Variants in B3GALT1 observed in about 807,000 individuals in gnomAD.
B3GALT1 encodes the protein UDP-Gal:betaGlcNAc beta 1,3-galactosyltransferase, polypeptide 1.
B3GALT1 carries 10 observed loss-of-function variants against 23.2 expected under a neutral mutation model. The ratio of observed to expected loss-of-function variants is 0.43; its 90% CI spans 0.27 to 0.73. B3GALT1 has a LOEUF of 0.73. Ranked by LOEUF, B3GALT1 falls within the 30% of genes least tolerant of loss-of-function variation. B3GALT1 has a pLI of 0.21. For synonymous variants in B3GALT1, 156 were observed against 141.5 expected, an observed-to-expected ratio of 1.10 and a Z score of -0.73; for missense variants, 299 against 405.4, an observed-to-expected ratio of 0.74 and a Z score of 2.25.
chr2:167,577,663 A>G (rs536140236), intron 2 of B3GALT1, among the ~76,000 whole-genome samples: 2 of 151,964 alleles, frequency 1.3e-5, no homozygotes, highest in South Asian at 4.1e-4. Flanking sequence ...AAGCTCGATC[A>G]TATTTCTGAT....
chr2:167,334,468 C>G (rs186953419), intron 1 of B3GALT1, among the ~76,000 whole-genome samples: 13 of 152,140 alleles, frequency 8.5e-5, no homozygotes, highest in Non-Finnish European at 1.5e-5. Flanking sequence ...TGAACTGATT[C>G]ATTCAAGTTT....
intron 1 of B3GALT1, among the ~76,000 whole-genome samples, chr2:167,417,855 A>G (rs567591075): frequency 8.7e-4 from 133 of 152,350 alleles, no homozygotes; most frequent in African/African-American, 3.1e-3. Context: ...CAGATGCTAT[A>G]ATCAGCATTG....
At chr2:167,402,963 C>T (rs1332688865) in intron 1 of B3GALT1, among the ~76,000 whole-genome samples, 1 of 152,036 alleles carries the variant, frequency 6.6e-6, no homozygotes, top group African/African-American at 2.4e-5. Context: ...TCCCCACTCC[C>T]CCACCCCCGA....
At chr2:167,452,484 T>G (rs1699106112) in intron 1 of B3GALT1, among the ~76,000 whole-genome samples, 1 of 152,178 alleles carries the variant, frequency 6.6e-6, no homozygotes, top group Non-Finnish European at 1.5e-5. Context: ...CCAGTGAGGG[T>G]GTGTGTATGG....
chr2:167,432,312 C>T lies in B3GALT1; in HGVS notation c.-510-57865C>T, dbSNP rs115722358. Among the ~76,000 whole-genome samples the T allele has an allele frequency of 3.8e-3, 579 of 152,236 alleles. 2 individuals are homozygous for T. The highest frequency in any genetic ancestry group is 0.013 in the African/African-American group (538 of 41,532). ...GATCTGTAATAGTGGCATTCTGATA[C>T]TGAGTGGGAGGTTTTGTTAACTGAA... On this transcript the variant is annotated intron_variant, in intron 1 of 4. Coordinates refer to ENST00000392690, the MANE Select transcript of B3GALT1 (RefSeq NM_020981.4).
intron 2 of B3GALT1, among the ~76,000 whole-genome samples, chr2:167,544,779 T>C (rs1174057261): frequency 2.6e-5 from 4 of 152,110 alleles, no homozygotes; most frequent in African/African-American, 7.2e-5. Context: ...ACAGCAAGTC[T>C]GATGGTGAGA....
intron 3 of B3GALT1, among the ~76,000 whole-genome samples, chr2:167,674,307 G>T (rs1038247875): frequency 6.6e-6 from 1 of 152,090 alleles, no homozygotes; most frequent in Non-Finnish European, 1.5e-5. Context: ...TAATGGAAAA[G>T]CATGGTCTTT....
intron 3 of B3GALT1, among the ~76,000 whole-genome samples, chr2:167,648,347 T>G (rs1313765077): frequency 6.6e-6 from 1 of 152,114 alleles, no homozygotes; most frequent in Non-Finnish European, 1.5e-5. Context: ...ACTCAATTTT[T>G]TTTTCTGTAC....
rs566187662 is a variant in B3GALT1 at position 167,448,495 on chromosome 2, T to G, written c.-510-41682T>G. Among the ~76,000 whole-genome samples, 5 of 152,330 alleles carry G rather than the reference T, an allele frequency of 3.3e-5. No individual in the cohort carries two copies. The East Asian group carries it at 9.6e-4, about 29-fold the overall frequency. On this transcript the variant is annotated intron_variant, in intron 1 of 4. Coordinates refer to ENST00000392690, the MANE Select transcript of B3GALT1 (RefSeq NM_020981.4). ...TTGTTGCTGATTTGTTTGAGTTTCTTGTAGATTCTGGATACCCGTCCTTTG... is the reference window on the plus strand; with the variant it reads ...TTGTTGCTGATTTGTTTGAGTTTCTGGTAGATTCTGGATACCCGTCCTTTG...
chr2:167,534,378 G>T (rs1683380987), intron 2 of B3GALT1, among the ~76,000 whole-genome samples: 1 of 151,860 alleles, frequency 6.6e-6, no homozygotes, highest in Admixed American at 6.6e-5. Context: ...TTCAATTAGT[G>T]CTTTTTTTAG....
intron 2 of B3GALT1, among the ~76,000 whole-genome samples, chr2:167,631,859 T>TA (rs1372685330): frequency 6.6e-6 from 1 of 151,418 alleles, no homozygotes; most frequent in African/African-American, 2.4e-5. Context: ...GCAGGTTTGT[T>TA]ACATAGGTAT....
chr2:167,562,221 A>G (rs1203598264), intron 2 of B3GALT1, among the ~76,000 whole-genome samples: 1 of 152,228 alleles, frequency 6.6e-6, no homozygotes, highest in African/African-American at 2.4e-5. Context: ...GATTATCTCA[A>G]TAGATGCAGA....
chr2:167,839,041 G>T (rs1158302513), intron 4 of B3GALT1, among the ~76,000 whole-genome samples: 15 of 152,158 alleles, frequency 9.9e-5, no homozygotes, highest in Non-Finnish European at 1.9e-4. Context: ...AATAATAAGA[G>T]CTATCTATGA....
intron 2 of B3GALT1, among the ~76,000 whole-genome samples, chr2:167,523,745 C>T (rs1254407155): frequency 6.6e-6 from 1 of 152,138 alleles, no homozygotes; most frequent in Non-Finnish European, 1.5e-5. Context: ...GCACTTCTGT[C>T]AGTTCCTTGT....
intron 1 of B3GALT1, among the ~76,000 whole-genome samples, chr2:167,471,835 T>A (rs1368194686): frequency 1.3e-5 from 2 of 152,162 alleles, no homozygotes; most frequent in Non-Finnish European, 2.9e-5. Flanking sequence ...TGGCTGGGCT[T>A]TTTTTAGTGG....
intron 1 of B3GALT1, among the ~76,000 whole-genome samples, chr2:167,416,616 T>G (rs1698475041): frequency 6.6e-6 from 1 of 152,144 alleles, no homozygotes; most frequent in South Asian, 2.1e-4. Flanking sequence ...GAAGCACCAC[T>G]GGGACTCCAG....
intron 3 of B3GALT1, among the ~76,000 whole-genome samples, chr2:167,672,214 C>A (rs1412954138): frequency 1.3e-5 from 2 of 152,104 alleles, no homozygotes; most frequent in African/African-American, 4.8e-5. Context: ...TGGACACCCT[C>A]CTTACGATCC....
intron 3 of B3GALT1, chr2:167,814,813 T>C (rs1688963188): frequency 6.6e-6 from 1 of 152,194 alleles, no homozygotes; most frequent in African/African-American, 2.4e-5. Flanking sequence ...GGCACAGAGA[T>C]AGATATGGAA....
At chr2:167,660,592 T>A (rs1219331495) in intron 3 of B3GALT1, among the ~76,000 whole-genome samples, 1 of 152,158 alleles carries the variant, frequency 6.6e-6, no homozygotes. Context: ...TGTGAATTAG[T>A]ATCTGTGAGG....
Sources: gnomAD v4.1 joint callset for allele counts (sites outside exome capture counted in the v4.1 genomes callset) on GRCh38, gnomAD v4.1.1 for gene constraint, MANE v1.5 for transcripts, NCBI Gene and HGNC (gene_info 2026-07-23, HGNC 2026-07-21) for gene names.